The following RAP1GAP variants were observed in gnomAD, a reference collection of about 807,000 sequenced individuals.
The protein encoded by RAP1GAP is rap1 GTPase-activating protein 1.
A neutral mutation model predicts 87.2 loss-of-function variants in RAP1GAP; 35 were observed. That is an observed-to-expected ratio of 0.40 (90% CI 0.31 to 0.53). The LOEUF is 0.53. Ranked by LOEUF, RAP1GAP falls within the 20% of genes least tolerant of loss-of-function variation. The pLI is 0.48. For synonymous variants in RAP1GAP, 375 were observed against 363.9 expected, an observed-to-expected ratio of 1.03 and a Z score of -0.35; for missense variants, 734 against 898.9, an observed-to-expected ratio of 0.82 and a Z score of 2.35.
chr1:21,669,283 C>A lies in RAP1GAP; in HGVS notation c.-178G>T. ...GGGCCTGGGCCGGGGGCGTCCTGGG[C>A]TCGGCACTCTGGTGCCCGCGGCCGC... On this transcript the variant is annotated 5_prime_UTR_variant, in exon 1 of 25. Coordinates refer to ENST00000374765, the MANE Select transcript of RAP1GAP (RefSeq NM_002885.4). The surrounding 1 kb of genome is among the most constrained non-coding windows in gnomAD (Gnocchi z 5.6). 1 of 1,199,280 alleles carries A rather than the reference C, an allele frequency of 8.3e-7. No individual in the cohort carries two copies. The highest frequency in any genetic ancestry group is 1.0e-6 in the Non-Finnish European group (1 of 953,822). 74.3% of individuals were successfully genotyped at this position (1,199,280 alleles called of 1,614,324 possible).
At chr1:21,630,065 T>C (rs1008238008) in intron 2 of RAP1GAP, among the ~76,000 whole-genome samples, 46 of 152,160 alleles carry the variant, frequency 3.0e-4, no homozygotes, top group African/African-American at 1.1e-3. Context: ...CTCTACTTTA[T>C]TGTATTAACT....
chr1:21,662,725 C>A (rs2152368847), intron 1 of RAP1GAP, among the ~76,000 whole-genome samples: 1 of 152,262 alleles, frequency 6.6e-6, no homozygotes, highest in Middle Eastern at 3.4e-3. Flanking sequence ...CCAACCCCTT[C>A]TCATTCTGCA....
intron 2 of RAP1GAP, among the ~76,000 whole-genome samples, chr1:21,633,024 G>T (rs1204546087): frequency 5.9e-5 from 9 of 152,188 alleles, no homozygotes; most frequent in Non-Finnish European, 2.9e-5. Context: ...CCAGCTGGAG[G>T]GGTGGTGAGA....
chr1:21,645,778 G>A (rs535069283), intron 2 of RAP1GAP, among the ~76,000 whole-genome samples: 1 of 152,322 alleles, frequency 6.6e-6, no homozygotes, highest in African/African-American at 2.4e-5. Flanking sequence ...GAGGCCCAGC[G>A]GGCTGTGCCT....
At chr1:21,667,501 G>C (rs1360970925) in intron 1 of RAP1GAP, 2 of 152,234 alleles carry the variant, frequency 1.3e-5, no homozygotes, top group Non-Finnish European at 2.9e-5. Flanking sequence ...TGCTCCACGG[G>C]ACAACCCTCC....
intron 13 of RAP1GAP, 77 bp downstream of exon 13, chr1:21,611,375 C>A (rs1025229883): frequency 1.3e-6 from 2 of 1,522,090 alleles, no homozygotes; most frequent in Non-Finnish European, 1.8e-6. Context: ...CTGAGCCTGG[C>A]GTGATGGAGG....
Position 21,613,600 on chromosome 1 carries a change from G to C in RAP1GAP, c.474+28C>G. On this transcript the variant is annotated intron_variant, in intron 9 of 24. Coordinates refer to ENST00000374765, the MANE Select transcript of RAP1GAP (RefSeq NM_002885.4). This position sits in a 1 kb window ranked among gnomAD's most constrained non-coding sequence, Gnocchi z 4.7. ...AGGTGCCCATCTGCGGAGCCAGCCC[G>C]GGAAGCTCAGCGGAGCGGAGACCTC... 6.3e-7 allele frequency: 1 copy of C among 1,587,790 alleles called. No individual in the cohort carries two copies. Among genetic ancestry groups the C allele is most frequent in the Non-Finnish European group, 8.6e-7 (1 of 1,156,306 alleles).
chr1:21,657,962 C>G (rs2096930105), intron 1 of RAP1GAP, among the ~76,000 whole-genome samples: 1 of 152,180 alleles, frequency 6.6e-6, no homozygotes, highest in African/African-American at 2.4e-5. Context: ...AAGGGTGGCT[C>G]TGCCCCCCAG....
At chr1:21,641,807 C>T (rs958307070) in intron 2 of RAP1GAP, among the ~76,000 whole-genome samples, 2 of 152,292 alleles carry the variant, frequency 1.3e-5, no homozygotes, top group Non-Finnish European at 1.5e-5. Context: ...CCACTAGAAC[C>T]CCAGCACATC....
In RAP1GAP at chr1:21,613,083, G is replaced by A. The variant is rs1451644148; in HGVS notation, c.528+93C>T. 6 of 1,333,164 alleles carry A rather than the reference G, an allele frequency of 4.5e-6. No individual in the cohort carries two copies. In the African/African-American group the frequency reaches 7.3e-5, roughly 16 times the overall value. The allele number at this position is 1,333,164 out of a possible 1,614,324, so 82.6% of individuals were successfully genotyped here. On this transcript the variant is annotated intron_variant, in intron 10 of 24. Transcript: ENST00000374765. This position sits in a 1 kb window ranked among gnomAD's most constrained non-coding sequence, Gnocchi z 4.7. ...TGAGGATTAAATGAGAGAACCTTGG[G>A]AAAGTATCTGGCACACAGAAGGTGC...
intron 3 of RAP1GAP, among the ~76,000 whole-genome samples, chr1:21,624,267 C>T (rs2090755106): frequency 6.6e-6 from 1 of 152,084 alleles, no homozygotes; most frequent in Non-Finnish European, 1.5e-5. Flanking sequence ...TTCTGGGTGC[C>T]CTGTCCAGCC....
Position 21,603,177 on chromosome 1 carries a change from G to C in RAP1GAP, c.1429-264C>G. ...AGGATTAGGACAGCATCCTGAGGGGGCTAGGGTGGGAGGAGGCCGAGTCCT... is the reference window on the plus strand; with the variant it reads ...AGGATTAGGACAGCATCCTGAGGGGCCTAGGGTGGGAGGAGGCCGAGTCCT... On this transcript the variant is annotated intron_variant, in intron 18 of 24. Transcript: ENST00000374765. This position sits in a 1 kb window ranked among gnomAD's most constrained non-coding sequence, Gnocchi z 6.0. 1 of 474,428 alleles carries C rather than the reference G, an allele frequency of 2.1e-6. No homozygotes were observed. The highest frequency in any genetic ancestry group is 3.8e-6 in the Non-Finnish European group (1 of 265,274). 29.4% of individuals were successfully genotyped at this position (474,428 alleles called of 1,614,324 possible). A position where few individuals can be genotyped will look rare whatever the true frequency, so the allele number is the denominator to read the frequency against.
intron 16 of RAP1GAP, 113 bp from the exon 17 acceptor site, chr1:21,608,463 G>C: frequency 7.1e-7 from 1 of 1,407,086 alleles, no homozygotes; most frequent in Non-Finnish European, 9.5e-7. Flanking sequence ...AATGAGTGGG[G>C]AGTGGGGAGG....
chr1:21,660,405 C>A (rs1017886659), intron 1 of RAP1GAP, among the ~76,000 whole-genome samples: 11 of 137,642 alleles, frequency 8.0e-5, no homozygotes, highest in Non-Finnish European at 1.4e-4. Flanking sequence ...ACGATCTTGG[C>A]TCACTGCAAC....
chr1:21,608,011 C>T (rs1447772989), intron 17 of RAP1GAP, among the ~76,000 whole-genome samples: 2 of 151,894 alleles, frequency 1.3e-5, no homozygotes, highest in African/African-American at 4.8e-5. Context: ...GCCACGCCCC[C>T]TCTCAGACTC....
chr1:21,613,091 C>G lies in RAP1GAP; in HGVS notation c.528+85G>C. ...AAATGAGAGAACCTTGGGAAAGTAT[C>G]TGGCACACAGAAGGTGCTTAATAAA... is the stretch of plus-strand genomic sequence containing the variant. On this transcript the variant is annotated intron_variant, in intron 10 of 24. Transcript: ENST00000374765. This position sits in a 1 kb window ranked among gnomAD's most constrained non-coding sequence, Gnocchi z 4.7. 1 of 1,366,442 alleles carries G rather than the reference C, an allele frequency of 7.3e-7. No individual in the cohort carries two copies. Among genetic ancestry groups the G allele is most frequent in the Non-Finnish European group, 1.0e-6 (1 of 958,482 alleles). 84.6% of individuals were successfully genotyped at this position (1,366,442 alleles called of 1,614,324 possible).
chr1:21,609,666 T>C lies in RAP1GAP; in HGVS notation c.1000-20A>G. On this transcript the variant is annotated intron_variant, in intron 14 of 24. Transcript: ENST00000374765. The surrounding 1 kb of genome is among the most constrained non-coding windows in gnomAD (Gnocchi z 4.4). ...AGAGACCTGGAAGGGAGGGCAGCTGTCTGTTCCTGTGGAGCCTGGGGTCTG... is the reference window on the plus strand; with the variant it reads ...AGAGACCTGGAAGGGAGGGCAGCTGCCTGTTCCTGTGGAGCCTGGGGTCTG... The C allele has an allele frequency of 1.3e-6, 2 of 1,547,832 alleles. No homozygotes were observed. Among genetic ancestry groups the C allele is most frequent in the South Asian group, 1.3e-5 (1 of 77,098 alleles).
At chr1:21,617,616 G>T in intron 6 of RAP1GAP, 125 bp from the exon 7 acceptor site, 1 of 1,118,196 alleles carries the variant, frequency 8.9e-7, no homozygotes. Flanking sequence ...ACAGGCCAGA[G>T]CCTGTGTGGG....
At chr1:21,654,419 G>T (rs1304811629) in intron 1 of RAP1GAP, among the ~76,000 whole-genome samples, 1 of 152,210 alleles carries the variant, frequency 6.6e-6, no homozygotes, top group African/African-American at 2.4e-5. Flanking sequence ...TGCAAGATGG[G>T]ATTTATGATG....
Sources: gnomAD v4.1 joint callset for allele counts (sites outside exome capture counted in the v4.1 genomes callset) on GRCh38, gnomAD v4.1.1 for gene constraint, Gnocchi (gnomAD v3.1) non-coding constraint, MANE v1.5 for transcripts, NCBI Gene and HGNC (gene_info 2026-07-23, HGNC 2026-07-21) for gene names.